The following CFAP58 variants were observed in gnomAD, a reference collection of about 807,000 sequenced individuals.
The protein encoded by CFAP58 is cilia and flagella associated protein 58.
CFAP58 carries 88 observed loss-of-function variants against 119.5 expected under a neutral mutation model. That is an observed-to-expected ratio of 0.74 (90% confidence interval 0.62 to 0.88). CFAP58 has a LOEUF of 0.88. CFAP58 is among the 40% of genes least tolerant of loss of function. CFAP58 has a pLI of 0.00. For missense variants in CFAP58, 990 were observed against 1,021.2 expected (o/e 0.97, Z 0.42); for synonymous variants, 365 against 366.3 (o/e 1.00, Z 0.04).
chr10:104,361,952 C>G, intron 2 of CFAP58, 71 bp from the exon 3 acceptor site: 1 of 1,438,798 alleles, frequency 7.0e-7, no homozygotes, highest in Non-Finnish European at 9.6e-7. Context: ...TGGTATTATT[C>G]TGTTTGCTGG....
chr10:104,370,599 T>G (rs1185753621), intron 6 of CFAP58, among the ~76,000 whole-genome samples: 3 of 152,182 alleles, frequency 2.0e-5, no homozygotes, highest in African/African-American at 7.2e-5. Context: ...GAATTCAAGG[T>G]GAGATTTGGG....
intron 15 of CFAP58, among the ~76,000 whole-genome samples, chr10:104,423,846 C>T (rs1337878331): frequency 6.6e-6 from 1 of 152,158 alleles, no homozygotes; most frequent in Non-Finnish European, 1.5e-5. Context: ...CTATTTTTAT[C>T]TCCTCTGTTG....
chr10:104,350,474 C>T (rs867281525), upstream of CFAP58, among the ~76,000 whole-genome samples: 28 of 152,252 alleles, frequency 1.8e-4, 1 homozygote, highest in African/African-American at 6.3e-4. Context: ...TTGATATGTC[C>T]GACCACCCAT....
At chr10:104,357,493 C>G (rs1465217927) in intron 1 of CFAP58, among the ~76,000 whole-genome samples, 1 of 152,126 alleles carries the variant, frequency 6.6e-6, no homozygotes, top group Non-Finnish European at 1.5e-5. Flanking sequence ...CGTGGCCACC[C>G]CCCGCTGCCC....
At chr10:104,434,822 C>T (rs891832071) in intron 15 of CFAP58, among the ~76,000 whole-genome samples, 1 of 152,174 alleles carries the variant, frequency 6.6e-6, no homozygotes, top group African/African-American at 2.4e-5. Context: ...TTGTCTGCCT[C>T]TCCCATTAGA....
intron 11 of CFAP58, 93 bp downstream of exon 11, chr10:104,393,568 A>G: frequency 8.1e-7 from 1 of 1,241,610 alleles, no homozygotes; most frequent in Non-Finnish European, 1.1e-6. Flanking sequence ...GGGCAGGGAG[A>G]ACAACCACGC....
At chr10:104,385,375 A>G (rs529053080) in intron 9 of CFAP58, among the ~76,000 whole-genome samples, 3 of 152,204 alleles carry the variant, frequency 2.0e-5, no homozygotes, top group Non-Finnish European at 4.4e-5. Flanking sequence ...ACATGGCGTT[A>G]CTGCTAGGAG....
chr10:104,438,376 T>TTTTTTTTTTTTTTTTTTG (rs2012977817), intron 15 of CFAP58, among the ~76,000 whole-genome samples: 1 of 96,016 alleles, frequency 1.0e-5, no homozygotes, highest in African/African-American at 4.6e-5. Flanking sequence ...TTTTTTTTGT[T>TTTTTTTTTTTTTTTTTTG]TTTTTTTTTT....
chr10:104,427,933 C>T (rs1022472283), intron 15 of CFAP58, among the ~76,000 whole-genome samples: 9 of 152,200 alleles, frequency 5.9e-5, no homozygotes, highest in African/African-American at 1.9e-4. Context: ...AAGTGGGGAT[C>T]GTAGAGAAAC....
chr10:104,405,608 A>G (rs1039860415), intron 14 of CFAP58, among the ~76,000 whole-genome samples: 1 of 152,220 alleles, frequency 6.6e-6, no homozygotes, highest in African/African-American at 2.4e-5. Flanking sequence ...TGAATTGTAC[A>G]CAACTAGTGA....
intron 7 of CFAP58, among the ~76,000 whole-genome samples, chr10:104,376,316 C>T (rs915198929): frequency 6.6e-6 from 1 of 151,412 alleles, no homozygotes; most frequent in Non-Finnish European, 1.5e-5. Context: ...AAAATCAGAG[C>T]TAGTCCTCAC....
chr10:104,406,604 A>G (rs2012362697), intron 14 of CFAP58, 85 bp from the exon 15 acceptor site: 2 of 1,060,174 alleles, frequency 1.9e-6, no homozygotes, highest in African/African-American at 1.6e-5. Context: ...ACAGATTTTA[A>G]TAAGACAATG....
intron 3 of CFAP58, among the ~76,000 whole-genome samples, chr10:104,363,972 A>T (rs2014706000): frequency 6.6e-6 from 1 of 152,230 alleles, no homozygotes; most frequent in Non-Finnish European, 1.5e-5. Flanking sequence ...ATGCCAAATC[A>T]TATGGAATGG....
At chr10:104,343,934 G>T in the CFAP58 span, among the ~76,000 whole-genome samples, 42 of 152,212 alleles carry the variant, frequency 2.8e-4, no homozygotes, top group Non-Finnish European at 5.4e-4. Context: ...GCAGAGATAG[G>T]GTCTCAGTAT....
intron 11 of CFAP58, 66 bp from the exon 12 acceptor site, chr10:104,399,294 G>C: frequency 6.4e-7 from 1 of 1,557,320 alleles, no homozygotes. Flanking sequence ...TCTGAATCCG[G>C]GCCCTGTCGT....
In CFAP58 at chr10:104,367,433, C is replaced by CT. The variant is rs887258680; in HGVS notation, c.793-981dup. ...ATACTCAAAAATAGATATAAATATA[C>CT]TTTTTTTTTGTCCGTTGCTCTATTA... On this transcript the variant is annotated intron_variant, in intron 5 of 17. Coordinates refer to ENST00000369704, the MANE Select transcript of CFAP58 (RefSeq NM_001008723.2). Among the ~76,000 whole-genome samples, 25 of 151,524 alleles carry CT rather than the reference C, an allele frequency of 1.6e-4. No individual in the cohort carries two copies. In the South Asian group the frequency reaches 3.3e-3, roughly 20 times the overall value.
At position 104,393,383 on chromosome 10, in the gene CFAP58, G is replaced by A; in HGVS notation, c.1582G>A (p.Glu528Lys). 6.2e-7 allele frequency: 1 copy of A among 1,613,958 alleles called. No homozygotes were observed. Among genetic ancestry groups the A allele is most frequent in the African/African-American group, 1.3e-5 (1 of 75,062 alleles). ...AAAGATTATGATCCATCAGGTAGAT[G>A]AGCTGAAAGAAGACATCTCTGCCAA... ...KLKIMIHQVDELKEDISAKES... is the reference protein window; with the variant it reads ...KLKIMIHQVDKLKEDISAKES... Residue 528 changes from glutamate to lysine, a missense_variant, in exon 11 of 18, where the codon GAG becomes AAG. Physicochemically the swap from Glu to Lys is moderately conservative, Grantham distance 56. Coordinates refer to ENST00000369704, the MANE Select transcript of CFAP58 (RefSeq NM_001008723.2).
At chr10:104,393,052 T>C (rs544403610) in intron 10 of CFAP58, among the ~76,000 whole-genome samples, 1 of 152,370 alleles carries the variant, frequency 6.6e-6, no homozygotes, top group African/African-American at 2.4e-5. Context: ...TTTGTTGTGC[T>C]TCCAATTCCT....
chr10:104,437,558 T>A (rs188172123), intron 15 of CFAP58, among the ~76,000 whole-genome samples: 126 of 152,320 alleles, frequency 8.3e-4, no homozygotes, highest in African/African-American at 2.9e-3. Context: ...GCAAAAGATG[T>A]TAGATACCAT....
Sources: gnomAD v4.1 joint callset for allele counts (sites outside exome capture counted in the v4.1 genomes callset) on GRCh38, gnomAD v4.1.1 for gene constraint, MANE v1.5 for transcripts, NCBI Gene and HGNC (gene_info 2026-07-23, HGNC 2026-07-21) for gene names.